The following RABGAP1 variants were observed in gnomAD, a reference collection of about 807,000 sequenced individuals.
RABGAP1 encodes rab GTPase-activating protein 1.
RABGAP1 carries 23 observed loss-of-function variants against 137.6 expected under a neutral mutation model. The ratio of observed to expected loss-of-function variants is 0.17; its 90% confidence interval spans 0.12 to 0.24. The LOEUF (loss-of-function observed/expected upper bound fraction) is 0.24, where lower values mean the gene tolerates loss of function less well. Ranked by LOEUF, RABGAP1 falls within the 10% of genes least tolerant of loss-of-function variation. The pLI, the probability that RABGAP1 is intolerant of heterozygous loss-of-function variation, is 1.00. For synonymous variants in RABGAP1, 451 were observed against 450.7 expected (o/e 1.00, Z -0.01); for missense variants, 906 against 1,275.8 (o/e 0.71, Z 4.42).
At chr9:122,947,107 A>G (rs1402787644) in intron 1 of RABGAP1, among the ~76,000 whole-genome samples, 1 of 152,172 alleles carries the variant, frequency 6.6e-6, no homozygotes, top group East Asian at 1.9e-4. Flanking sequence ...TTATTTTGAA[A>G]CTTACTTTTA....
intron 15 of RABGAP1, among the ~76,000 whole-genome samples, chr9:123,072,539 A>G (rs1490038577): frequency 6.6e-6 from 1 of 152,100 alleles, no homozygotes; most frequent in Non-Finnish European, 1.5e-5. Flanking sequence ...CCAGAGTGTT[A>G]TAAGTGCTTG....
intron 10 of RABGAP1, among the ~76,000 whole-genome samples, chr9:123,008,406 A>G (rs1445147656): frequency 1.3e-5 from 2 of 152,036 alleles, no homozygotes; most frequent in African/African-American, 2.4e-5. Context: ...TTAGCTGGGC[A>G]TAGTGGCGGG....
intron 13 of RABGAP1, among the ~76,000 whole-genome samples, chr9:123,025,482 AG>A (rs1444429028): frequency 3.3e-5 from 5 of 150,860 alleles, no homozygotes; most frequent in African/African-American, 1.2e-4. Context: ...TACCAGTTGA[AG>A]GTATAAGTTT....
At chr9:123,014,146 AGTG>A (rs2031037604) in intron 11 of RABGAP1, among the ~76,000 whole-genome samples, 3 of 152,228 alleles carry the variant, frequency 2.0e-5, no homozygotes, top group Non-Finnish European at 4.4e-5. Flanking sequence ...AAACTCTCTG[AGTG>A]TCAAGCAAGA....
At chr9:122,969,191 G>T (rs1338733771) in intron 2 of RABGAP1, among the ~76,000 whole-genome samples, 1 of 122,502 alleles carries the variant, frequency 8.2e-6, no homozygotes, top group Non-Finnish European at 2.0e-5. Flanking sequence ...ATTGCCTACA[G>T]TATTCAGTAT....
At chr9:122,959,907 C>T (rs1834760593) in intron 2 of RABGAP1, among the ~76,000 whole-genome samples, 2 of 152,220 alleles carry the variant, frequency 1.3e-5, no homozygotes, top group Non-Finnish European at 2.9e-5. Context: ...CCTGGGGTGT[C>T]ACTCAGTGAC....
chr9:122,950,377 C>CTTTCTTTTTT (rs1834167534), intron 1 of RABGAP1, among the ~76,000 whole-genome samples: 1 of 74,492 alleles, frequency 1.3e-5, no homozygotes, highest in African/African-American at 5.3e-5. Flanking sequence ...CTTTTTCTTT[C>CTTTCTTTTTT]TTTTTTTTTT....
chr9:122,932,939 C>T, the RABGAP1 span, among the ~76,000 whole-genome samples: 1 of 152,142 alleles, frequency 6.6e-6, no homozygotes, highest in Admixed American at 6.6e-5. Context: ...TCTGTGTGGT[C>T]CGAGAAGATA....
At chr9:122,959,646 C>A (rs1834745794) in intron 2 of RABGAP1, among the ~76,000 whole-genome samples, 1 of 152,230 alleles carries the variant, frequency 6.6e-6, no homozygotes, top group Non-Finnish European at 1.5e-5. Context: ...CCTGCCCTTT[C>A]CTTACCCTAT....
At chr9:122,947,284 A>G (rs1377757033) in intron 1 of RABGAP1, among the ~76,000 whole-genome samples, 1 of 152,218 alleles carries the variant, frequency 6.6e-6, no homozygotes, top group African/African-American at 2.4e-5. Context: ...ATACACCTAG[A>G]GTAGTCAATT....
At chr9:123,019,839 G>A (rs993930771) in intron 12 of RABGAP1, among the ~76,000 whole-genome samples, 9 of 152,052 alleles carry the variant, frequency 5.9e-5, no homozygotes, top group Non-Finnish European at 7.4e-5. Context: ...ACAGGCATGC[G>A]CCACCATGAT....
the RABGAP1 span, among the ~76,000 whole-genome samples, chr9:122,933,986 T>C: frequency 3.9e-5 from 6 of 152,142 alleles, no homozygotes; most frequent in African/African-American, 1.4e-4. Context: ...CAGGCTGCTC[T>C]TGGACTCCTG....
intron 9 of RABGAP1, among the ~76,000 whole-genome samples, chr9:122,997,608 ATTTAC>A (rs1837099167): frequency 6.7e-6 from 1 of 149,602 alleles, no homozygotes; most frequent in Non-Finnish European, 1.5e-5. Flanking sequence ...TTATATGCTT[ATTTAC>A]TTACAGACTT....
chr9:123,028,017 T>A (rs1410336993), intron 13 of RABGAP1, among the ~76,000 whole-genome samples: 1 of 152,242 alleles, frequency 6.6e-6, no homozygotes, highest in African/African-American at 2.4e-5. Flanking sequence ...TAAGTCATAC[T>A]TGCTGGGAGT....
intron 13 of RABGAP1, among the ~76,000 whole-genome samples, chr9:123,056,546 C>T (rs1678358551): frequency 7.0e-6 from 1 of 143,806 alleles, no homozygotes; most frequent in Non-Finnish European, 1.5e-5. Context: ...TTGGCAGGGT[C>T]ATGGGACAAT....
chr9:123,023,667 ATGTT>A (rs1000566886), intron 13 of RABGAP1, among the ~76,000 whole-genome samples: 2 of 152,170 alleles, frequency 1.3e-5, no homozygotes, highest in Admixed American at 1.3e-4. Flanking sequence ...GCTATTACAA[ATGTT>A]TGTTTTTTTC....
chr9:122,977,260 G>C (rs1219710801), intron 2 of RABGAP1, among the ~76,000 whole-genome samples: 2 of 152,188 alleles, frequency 1.3e-5, no homozygotes, highest in Non-Finnish European at 2.9e-5. Context: ...GTTGTCCTAA[G>C]GTATTAGCTA....
At chr9:123,040,049 G>C (rs2032876560) in intron 13 of RABGAP1, among the ~76,000 whole-genome samples, 1 of 152,190 alleles carries the variant, frequency 6.6e-6, no homozygotes. Flanking sequence ...AGTAAGTTCT[G>C]CTGTGTGCCA....
At chr9:123,097,911 C>A in intron 22 of RABGAP1, 66 bp downstream of exon 22, 1 of 1,393,600 alleles carries the variant, frequency 7.2e-7, no homozygotes, top group Non-Finnish European at 9.9e-7. Flanking sequence ...CAGCTGGTGG[C>A]TTCCTGTTGG....
Sources: gnomAD v4.1 joint callset for allele counts (sites outside exome capture counted in the v4.1 genomes callset) on GRCh38, gnomAD v4.1.1 for gene constraint, MANE v1.5 for transcripts, NCBI Gene and HGNC (gene_info 2026-07-23, HGNC 2026-07-21) for gene names.